CFAP141: variants seen among roughly 807,000 people sequenced by gnomAD.
The protein encoded by CFAP141 is cilia- and flagella-associated protein 141.
At chr1:154,199,550 A>T in the CFAP141 span, 1 of 1,502,408 alleles carries the variant, frequency 6.7e-7, no homozygotes, top group African/African-American at 1.4e-5. Flanking sequence ...GGCAGAATAG[A>T]GTGTGTTGTT....
At chr1:154,200,404 G>A in the CFAP141 span, 38 of 1,583,834 alleles carry the variant, frequency 2.4e-5, no homozygotes, top group Non-Finnish European at 3.1e-5. Flanking sequence ...AACTCAATGG[G>A]CAAAGGCACA....
chr1:154,200,338 G>A, the CFAP141 span: 1 of 1,086,578 alleles, frequency 9.2e-7, no homozygotes, highest in Non-Finnish European at 1.3e-6. Flanking sequence ...GTGTAATGCT[G>A]AAAACCTAGA....
chr1:154,205,569 G>A, the CFAP141 span: 2 of 1,609,220 alleles, frequency 1.2e-6, no homozygotes, highest in Admixed American at 3.3e-5. Flanking sequence ...CAAGCTCAAA[G>A]GTAAAGGGAG....
chr1:154,203,405 G>A, the CFAP141 span, among the ~76,000 whole-genome samples: 10 of 149,620 alleles, frequency 6.7e-5, no homozygotes, highest in African/African-American at 1.5e-4. Context: ...GATTATAGGC[G>A]TGTGCCACCA....
the CFAP141 span, among the ~76,000 whole-genome samples, chr1:154,205,356 A>G: frequency 2.0e-5 from 3 of 152,188 alleles, no homozygotes; most frequent in African/African-American, 7.2e-5. Flanking sequence ...ACATGCTTCA[A>G]TTTTTCTCCA....
chr1:154,205,766 G>A, the CFAP141 span: 6 of 787,636 alleles, frequency 7.6e-6, no homozygotes, highest in East Asian at 2.7e-5. Flanking sequence ...GTGCAGTGGC[G>A]TGATCTCGGC....
chr1:154,202,879 G>T, the CFAP141 span, among the ~76,000 whole-genome samples: 19 of 151,672 alleles, frequency 1.3e-4, no homozygotes, highest in Non-Finnish European at 2.4e-4. Context: ...CCAGCACTTC[G>T]GGAGGCTGAG....
the CFAP141 span, among the ~76,000 whole-genome samples, chr1:154,203,172 AATATATATATATATATAT>A: frequency 5.3e-3 from 156 of 29,498 alleles, 2 homozygotes; most frequent in Middle Eastern, 0.038. Context: ...TGACTGGGCA[AATATATATATATATATAT>A]ATATATATAT....
At chr1:154,200,659 A>G in the CFAP141 span, 21 of 1,465,744 alleles carry the variant, frequency 1.4e-5, no homozygotes, top group Non-Finnish European at 1.9e-5. Context: ...AAACCCATAG[A>G]GTGAGGCTGT....
the CFAP141 span, among the ~76,000 whole-genome samples, chr1:154,204,715 C>T: frequency 6.7e-6 from 1 of 150,192 alleles, no homozygotes; most frequent in Non-Finnish European, 1.5e-5. Context: ...GCATGCACCA[C>T]CACACCTAGC....
the CFAP141 span, among the ~76,000 whole-genome samples, chr1:154,202,971 A>C: frequency 6.7e-5 from 10 of 150,052 alleles, no homozygotes; most frequent in African/African-American, 2.4e-4. Flanking sequence ...AAATACAAAA[A>C]TTAGCCGAGC....
the CFAP141 span, among the ~76,000 whole-genome samples, chr1:154,203,955 G>A: frequency 6.6e-6 from 1 of 152,080 alleles, no homozygotes; most frequent in African/African-American, 2.4e-5. Flanking sequence ...GCCAGGTGTG[G>A]TGGCGGGCAC....
chr1:154,204,803 C>G, the CFAP141 span, among the ~76,000 whole-genome samples: 1 of 151,906 alleles, frequency 6.6e-6, no homozygotes, highest in Non-Finnish European at 1.5e-5. Flanking sequence ...CTCAAGCAAT[C>G]CCCCTGCCTC....
chr1:154,201,106 A>G, the CFAP141 span, among the ~76,000 whole-genome samples: 1 of 152,056 alleles, frequency 6.6e-6, no homozygotes, highest in Non-Finnish European at 1.5e-5. Context: ...TACAGTAACT[A>G]TGTGGCATAG....
At chr1:154,204,012 A>G in the CFAP141 span, among the ~76,000 whole-genome samples, 1 of 152,052 alleles carries the variant, frequency 6.6e-6, no homozygotes, top group South Asian at 2.1e-4. Context: ...AATTGCTTAG[A>G]CCCAGGAGGC....
At chr1:154,200,334 T>C in the CFAP141 span, 3 of 997,582 alleles carry the variant, frequency 3.0e-6, no homozygotes, top group Non-Finnish European at 4.5e-6. Context: ...TCTGGTGTAA[T>C]GCTGAAAACC....
At chr1:154,199,457 C>T in the CFAP141 span, 5 of 1,612,658 alleles carry the variant, frequency 3.1e-6, no homozygotes, top group Non-Finnish European at 4.2e-6. Context: ...AAGCTTTGCC[C>T]ATCTGATTTA....
At chr1:154,203,172 A>AATATATAT in the CFAP141 span, among the ~76,000 whole-genome samples, 6 of 29,536 alleles carry the variant, frequency 2.0e-4, no homozygotes, top group Non-Finnish European at 3.4e-4. Flanking sequence ...TGACTGGGCA[A>AATATATAT]ATATATATAT....
the CFAP141 span, among the ~76,000 whole-genome samples, chr1:154,204,807 C>G: frequency 2.6e-5 from 4 of 151,968 alleles, no homozygotes; most frequent in Non-Finnish European, 5.9e-5. Flanking sequence ...AGCAATCCCC[C>G]TGCCTCGGCC....
Sources: allele counts gnomAD v4.1 joint callset (sites outside exome capture counted in the v4.1 genomes callset), GRCh38; gene constraint gnomAD v4.1.1; transcripts MANE v1.5; gene names NCBI Gene and HGNC (gene_info 2026-07-23, HGNC 2026-07-21).